The following THOC2 variants were observed in gnomAD, a reference collection of about 807,000 sequenced individuals.
THOC2 encodes the protein THO complex subunit 2.
In THOC2, 10 loss-of-function variants were observed where a neutral mutation model predicts 128.4. That is an observed-to-expected ratio of 0.08 (90% CI 0.05 to 0.13). The LOEUF (loss-of-function observed/expected upper bound fraction) is 0.13. Ranked by LOEUF, THOC2 falls within the 10% of genes least tolerant of loss-of-function variation. The pLI is 1.00. For synonymous variants in THOC2, 393 were observed against 396.9 expected, an observed-to-expected ratio of 0.99 and a Z score of 0.12; for missense variants, 535 against 1,155.7, an observed-to-expected ratio of 0.46 and a Z score of 7.79.
At chrX:123,700,865 T>C (rs2050674852) in intron 4 of THOC2, among the ~76,000 whole-genome samples, 1 of 111,288 alleles carries the variant, frequency 9.0e-6, no homozygotes, top group South Asian at 3.9e-4. Flanking sequence ...GAACTTAAAT[T>C]GTTATCATTA....
chrX:123,604,364 GTTGT>G (rs1384323748), intron 38 of THOC2, among the ~76,000 whole-genome samples: 5 of 109,771 alleles, frequency 4.6e-5, no homozygotes, highest in African/African-American at 9.9e-5. Context: ...GACCTCCTGA[GTTGT>G]TTGTTTTTTT....
intron 2 of THOC2, 24 bp downstream of exon 2, chrX:123,712,826 C>G (rs1458863324): frequency 1.9e-6 from 2 of 1,037,129 alleles, no homozygotes; most frequent in African/African-American, 3.8e-5. Context: ...CAAGAAATAA[C>G]TAAGATACTT....
At chrX:123,675,493 T>C (rs2049449547) in intron 8 of THOC2, among the ~76,000 whole-genome samples, 1 of 109,927 alleles carries the variant, frequency 9.1e-6, no homozygotes, top group Non-Finnish European at 1.9e-5. Context: ...AGACAAAAAT[T>C]AGTCAGGCAT....
At chrX:123,661,704 T>C (rs993016907) in intron 12 of THOC2, among the ~76,000 whole-genome samples, 8 of 111,876 alleles carry the variant, frequency 7.2e-5, no homozygotes, top group Admixed American at 6.7e-4. Context: ...GAATATTATA[T>C]AATAAACAAT....
intron 38 of THOC2, among the ~76,000 whole-genome samples, chrX:123,605,024 T>C (rs1051832638): frequency 1.8e-5 from 2 of 112,470 alleles, no homozygotes; most frequent in Non-Finnish European, 3.8e-5. Context: ...ACAGCCATCC[T>C]AAATCCACTT....
chrX:123,652,592 T>C (rs955530317), intron 12 of THOC2, among the ~76,000 whole-genome samples: 4 of 112,113 alleles, frequency 3.6e-5, no homozygotes, highest in African/African-American at 1.3e-4. Context: ...AGTCTCAGGA[T>C]ACAAAATCAA....
rs780729826 is a variant in THOC2, at chrX:123,667,777, C to T, written c.1017+382G>A. 9.1e-4 allele frequency among the ~76,000 whole-genome samples: 99 copies of T among 109,242 alleles called. 1 individual carries two copies. Among genetic ancestry groups the T allele is most frequent in the African/African-American group, 3.1e-3 (94 of 30,170 alleles). The allele number at this position is 109,242 out of a possible 115,157, so 94.9% of individuals were successfully genotyped here. ...AATTTATTAAAAAAAAAAACAGACA[C>T]AGGCATTACAGTTTATAGACTTGGA... On this transcript the variant is annotated intron_variant, in intron 10 of 38. Transcript: ENST00000245838.
intron 10 of THOC2, 27 bp downstream of exon 10, chrX:123,668,132 T>C (rs2049120530): frequency 3.7e-6 from 4 of 1,068,984 alleles, no homozygotes; most frequent in Non-Finnish European, 5.0e-6. Flanking sequence ...GAAGATAGTG[T>C]TAATTTTACT....
At chrX:123,666,546 G>A (rs775191213) in intron 11 of THOC2, among the ~76,000 whole-genome samples, 129 of 111,653 alleles carry the variant, frequency 1.2e-3, no homozygotes, top group African/African-American at 4.0e-3. Context: ...GATCTATGGG[G>A]CTGTAGCCAC....
intron 8 of THOC2, among the ~76,000 whole-genome samples, chrX:123,672,853 A>G (rs1389103058): frequency 8.9e-6 from 1 of 112,554 alleles, no homozygotes; most frequent in Non-Finnish European, 1.9e-5. Flanking sequence ...GTAACAATAC[A>G]CTATGTTCTT....
intron 8 of THOC2, among the ~76,000 whole-genome samples, chrX:123,675,698 G>A (rs771562441): frequency 1.4e-4 from 16 of 111,003 alleles, no homozygotes; most frequent in African/African-American, 4.9e-4. Context: ...CAACTATGGA[G>A]ATTAGATTCT....
chrX:123,697,708 A>G lies in THOC2; in HGVS notation c.318T>C (p.Tyr106=), dbSNP rs187800658. 76 of 1,108,560 alleles carry G rather than the reference A, an allele frequency of 6.9e-5. 1 individual carries two copies. 91.4% of individuals were successfully genotyped at this position (1,108,560 alleles called of 1,213,427 possible). The change falls in exon 5 of 39, where the codon TAT becomes TAC. Residue 106 remains tyrosine (Y), a synonymous_variant. Transcript: ENST00000245838. ...AACATGCTAATACCAACTGTGTAAA[A>G]TAGTCTCTCTTGCTTTTTTCTTCTA... ...NCLEEKSKRD[Y]FTQLVLACLY...
chrX:123,653,661 A>T (rs971179581), intron 12 of THOC2, among the ~76,000 whole-genome samples: 3 of 112,189 alleles, frequency 2.7e-5, no homozygotes, highest in African/African-American at 9.7e-5. Context: ...AACATGAAAA[A>T]AATGCTCATC....
intron 1 of THOC2, among the ~76,000 whole-genome samples, chrX:123,717,316 AGT>A (rs2051468179): frequency 8.9e-6 from 1 of 111,834 alleles, no homozygotes; most frequent in Non-Finnish European, 1.9e-5. Context: ...AAAAATAGGT[AGT>A]GTTTCTATAT....
intron 33 of THOC2, among the ~76,000 whole-genome samples, chrX:123,617,748 T>C (rs1333697011): frequency 9.0e-6 from 1 of 111,651 alleles, no homozygotes; most frequent in Non-Finnish European, 1.9e-5. Context: ...TAACAGCAGG[T>C]TACAAACTGC....
rs772002677 is a variant in THOC2, at chrX:123,634,075, T to A, written c.2019-5A>T. On this transcript the variant is annotated splice_region_variant and splice_polypyrimidine_tract_variant and intron_variant, in intron 19 of 38. Coordinates refer to ENST00000245838, the MANE Select transcript of THOC2 (RefSeq NM_001081550.2). ...TTCAATATAAGCAGGTCAAAACTATTCAAAAAGAAAAAAGAAACAGTCTAT... is the reference window on the plus strand; with the variant it reads ...TTCAATATAAGCAGGTCAAAACTATACAAAAAGAAAAAAGAAACAGTCTAT... The A allele has an allele frequency of 4.1e-5, 44 of 1,070,722 alleles. No individual in the cohort carries two copies. In the East Asian group the frequency reaches 8.8e-4, roughly 22 times the overall value. 88.2% of individuals were successfully genotyped at this position (1,070,722 alleles called of 1,213,427 possible). A position where few individuals can be genotyped will look rare whatever the true frequency, so the allele number is the denominator to read the frequency against.
chrX:123,645,439 T>C lies in THOC2; in HGVS notation c.1387-64A>G, dbSNP rs1211553102. On this transcript the variant is annotated intron_variant, in intron 12 of 38. Transcript: ENST00000245838. ...GTTAAGATTATGATGTCACAATTAA[T>C]TTCTAATTTGAAAAAACTTTAACTT... The C allele has an allele frequency of 5.8e-6, 4 of 690,763 alleles. No individual in the cohort carries two copies. The African/African-American group carries it at 6.7e-5, about 12-fold the overall frequency. The allele number at this position is 690,763 out of a possible 1,213,427, so 56.9% of individuals were successfully genotyped here.
At chrX:123,650,138 T>C (rs760023260) in intron 12 of THOC2, among the ~76,000 whole-genome samples, 4 of 111,587 alleles carry the variant, frequency 3.6e-5, no homozygotes, top group South Asian at 3.8e-4. Flanking sequence ...CCAGAAGAGA[T>C]TGGGGGCTAA....
intron 9 of THOC2, among the ~76,000 whole-genome samples, chrX:123,670,882 C>T (rs993495658): frequency 9.0e-6 from 1 of 111,664 alleles, no homozygotes; most frequent in African/African-American, 3.3e-5. Flanking sequence ...AGGTAAAGAC[C>T]AAGTTTTACT....
Sources: allele counts gnomAD v4.1 joint callset (sites outside exome capture counted in the v4.1 genomes callset), GRCh38; gene constraint gnomAD v4.1.1; transcripts MANE v1.5; gene names NCBI Gene and HGNC (gene_info 2026-07-23, HGNC 2026-07-21).